The following ZBTB20 variants were observed in gnomAD, a reference collection of about 807,000 sequenced individuals.
ZBTB20 encodes the protein zinc finger and BTB domain containing 20.
In ZBTB20, 9 loss-of-function variants were observed where a neutral mutation model predicts 56.9. That is an observed-to-expected ratio of 0.16 (90% CI 0.10 to 0.28). ZBTB20 has a LOEUF of 0.28. ZBTB20 is among the 10% of genes least tolerant of loss of function. The probability of loss-of-function intolerance (pLI) is 1.00; values close to 1 mark genes in which losing one functional copy is unlikely to be tolerated. For synonymous variants in ZBTB20, 417 were observed against 420.7 expected (o/e 0.99, Z 0.11); for missense variants, 655 against 1,003.0 (o/e 0.65, Z 4.69).
chr3:114,875,782 T>C (rs539223920), intron 4 of ZBTB20, among the ~76,000 whole-genome samples: 13 of 152,286 alleles, frequency 8.5e-5, no homozygotes, highest in Non-Finnish European at 1.3e-4. Flanking sequence ...ATAACACCAG[T>C]TCTGCTACCT....
chr3:114,495,630 G>A (rs1405484446), intron 7 of ZBTB20, among the ~76,000 whole-genome samples: 3 of 152,142 alleles, frequency 2.0e-5, no homozygotes, highest in South Asian at 2.1e-4. Context: ...ACCAGAGGGA[G>A]GTAATATTCC....
intron 2 of ZBTB20, among the ~76,000 whole-genome samples, chr3:114,978,990 GA>G (rs1326490553): frequency 7.4e-5 from 11 of 148,436 alleles, no homozygotes; most frequent in East Asian, 3.9e-4. Flanking sequence ...TTTTTTTAGA[GA>G]AAAAAAAATG....
Position 114,434,747 on chromosome 3 carries a change from C to G in ZBTB20, c.-254-45642G>C, listed in dbSNP as rs372247656. Among the ~76,000 whole-genome samples, 4 of 152,066 alleles carry G rather than the reference C, an allele frequency of 2.6e-5. 1 individual carries two copies. In the East Asian group the frequency reaches 5.8e-4, roughly 22 times the overall value. ...TCTCAAACACAGTATTTGAGACTAT[C>G]TGCCAACAATAAAAAGGTTTAGAGC... On this transcript the variant is annotated intron_variant, in intron 7 of 11. Coordinates refer to ENST00000675478, the MANE Select transcript of ZBTB20 (RefSeq NM_001348800.3).
chr3:114,535,518 A>T (rs1169846646), intron 6 of ZBTB20, among the ~76,000 whole-genome samples: 1 of 152,184 alleles, frequency 6.6e-6, no homozygotes, highest in Non-Finnish European at 1.5e-5. Flanking sequence ...CAACCAAAAA[A>T]AGCCCAGGAC....
chr3:115,020,745 A>G (rs2080170261), intron 2 of ZBTB20, among the ~76,000 whole-genome samples: 1 of 150,954 alleles, frequency 6.6e-6, no homozygotes, highest in Non-Finnish European at 1.5e-5. Context: ...CATATACTCT[A>G]TACACACACA....
intron 3 of ZBTB20, among the ~76,000 whole-genome samples, chr3:114,903,208 T>G (rs1213586223): frequency 6.6e-6 from 1 of 152,110 alleles, no homozygotes; most frequent in East Asian, 1.9e-4. Flanking sequence ...CCATCTTTAG[T>G]TCTGTGATCC....
chr3:114,723,757 T>C (rs559802875), intron 5 of ZBTB20, among the ~76,000 whole-genome samples: 1 of 152,346 alleles, frequency 6.6e-6, no homozygotes, highest in South Asian at 2.1e-4. Context: ...AAACAAGCCA[T>C]TGTTCAGAGA....
chr3:115,068,994 T>A (rs2082307651), intron 2 of ZBTB20, among the ~76,000 whole-genome samples: 1 of 152,118 alleles, frequency 6.6e-6, no homozygotes, highest in Non-Finnish European at 1.5e-5. Flanking sequence ...TGATGCTGTC[T>A]CCTACTCTGA....
chr3:114,423,624 A>G (rs993978247), intron 7 of ZBTB20, among the ~76,000 whole-genome samples: 6 of 152,372 alleles, frequency 3.9e-5, no homozygotes, highest in African/African-American at 1.2e-4. Context: ...ACATTTAAAA[A>G]GGGGGTTTAT....
At chr3:114,976,799 C>T (rs943304549) in intron 2 of ZBTB20, among the ~76,000 whole-genome samples, 7 of 151,978 alleles carry the variant, frequency 4.6e-5, no homozygotes, top group African/African-American at 1.7e-4. Context: ...TTGTCAAAGG[C>T]ATTTACTGTT....
intron 2 of ZBTB20, among the ~76,000 whole-genome samples, chr3:114,996,263 T>C (rs1199814190): frequency 1.3e-5 from 2 of 151,850 alleles, no homozygotes; most frequent in African/African-American, 2.4e-5. Context: ...AACATGCAGG[T>C]TTGTTACATA....
Position 114,351,046 on chromosome 3 carries a change from C to T in ZBTB20, c.1032G>A (p.Arg344=), listed in dbSNP as rs1364092330. ...ATTCGTTGCGTTCCAGGATCTGCAC[C>T]CTTTGCTGCCCGTAGTAGTCGTAAT... ...EDDYDYYGQQ[R]VQILERNESE... Residue 344 remains arginine, a synonymous_variant, in exon 11 of 12, where the codon AGG becomes AGA. Transcript: ENST00000675478. 5 of 1,611,856 alleles carry T rather than the reference C, an allele frequency of 3.1e-6. No homozygotes were observed. In the Admixed American group the frequency reaches 8.3e-5, roughly 27 times the overall value.
chr3:114,486,932 T>C (rs1577043744), intron 7 of ZBTB20, among the ~76,000 whole-genome samples: 1 of 152,018 alleles, frequency 6.6e-6, no homozygotes, highest in East Asian at 1.9e-4. Context: ...TGAAGAATAA[T>C]ATAGAGACTA....
intron 4 of ZBTB20, among the ~76,000 whole-genome samples, chr3:114,891,409 G>A (rs1310087771): frequency 2.0e-5 from 3 of 152,180 alleles, no homozygotes; most frequent in African/African-American, 4.8e-5. Context: ...AGTATCATAA[G>A]ATTCTTGCAT....
At position 114,788,502 on chromosome 3, in the gene ZBTB20, G is replaced by A. The variant is rs975486818; in HGVS notation, c.-343+12599C>T. Among the ~76,000 whole-genome samples, 4 of 152,062 alleles carry A rather than the reference G, an allele frequency of 2.6e-5. No homozygotes were observed. The South Asian group carries it at 8.3e-4, about 31-fold the overall frequency. ...TGTCAGAATTTTATTTCTTTTTAAG[G>A]AGGAATAATATTCCATTCTATGTAT... On this transcript the variant is annotated intron_variant, in intron 5 of 11. Transcript: ENST00000675478.
At chr3:114,411,914 A>G (rs2087999935) in intron 7 of ZBTB20, among the ~76,000 whole-genome samples, 1 of 152,180 alleles carries the variant, frequency 6.6e-6, no homozygotes, top group African/African-American at 2.4e-5. Context: ...TGCTAGGCTT[A>G]CGGAACATCT....
intron 10 of ZBTB20, among the ~76,000 whole-genome samples, chr3:114,376,531 C>A (rs868006561): frequency 6.6e-6 from 1 of 152,034 alleles, no homozygotes; most frequent in East Asian, 1.9e-4. Flanking sequence ...CAGACTTGGG[C>A]GGGTGAAGCA....
chr3:114,710,707 G>C (rs1157139223), intron 5 of ZBTB20, among the ~76,000 whole-genome samples: 4 of 152,060 alleles, frequency 2.6e-5, no homozygotes. Flanking sequence ...TGCATAACTG[G>C]GCTACTATGA....
In ZBTB20 at chr3:114,610,264, A is replaced by C. The variant is rs549681025; in HGVS notation, c.-295+83264T>G. 2.0e-5 allele frequency among the ~76,000 whole-genome samples: 3 copies of C among 152,360 alleles called. No individual in the cohort carries two copies. In the East Asian group the frequency reaches 5.8e-4, roughly 29 times the overall value. On this transcript the variant is annotated intron_variant, in intron 6 of 11. Coordinates refer to ENST00000675478, the MANE Select transcript of ZBTB20 (RefSeq NM_001348800.3). ...CCTCACACAGACTTACAGAGAATGC[A>C]TAACAGCTTCTAGTGGTATAACAAA...
Sources: gnomAD v4.1 joint callset for allele counts (sites outside exome capture counted in the v4.1 genomes callset) on GRCh38, gnomAD v4.1.1 for gene constraint, MANE v1.5 for transcripts, NCBI Gene and HGNC (gene_info 2026-07-23, HGNC 2026-07-21) for gene names.